The following HTR2A variants were observed in gnomAD, a reference collection of about 807,000 sequenced individuals.
HTR2A encodes the protein 5-hydroxytryptamine receptor 2A.
A neutral mutation model predicts 31.0 loss-of-function variants in HTR2A; 14 were observed. The ratio of observed to expected loss-of-function variants is 0.45; its 90% CI spans 0.30 to 0.71. The LOEUF is 0.71. HTR2A is among the 30% of genes least tolerant of loss of function. The probability of loss-of-function intolerance (pLI) is 0.09; values close to 1 mark genes in which losing one functional copy is unlikely to be tolerated. For missense variants in HTR2A, 442 were observed against 573.3 expected (o/e 0.77, Z 2.34); for synonymous variants, 209 against 225.2 (o/e 0.93, Z 0.64).
chr13:46,864,075 T>C (rs1285491191), intron 3 of HTR2A, among the ~76,000 whole-genome samples: 2 of 152,170 alleles, frequency 1.3e-5, no homozygotes, highest in Admixed American at 6.5e-5. Flanking sequence ...TACCATAGAA[T>C]ACTATGCAGT....
rs183410426 is a variant in HTR2A, at chr13:46,857,100, G to C, written c.614-21461C>G. On this transcript the variant is annotated intron_variant, in intron 3 of 3. Transcript: ENST00000542664. ...GTGGATCATGAGGTCAAGAGATAGA[G>C]ACCATCCTGGCCAACTTGGTGAAAT... is the stretch of plus-strand genomic sequence containing the variant. Among the ~76,000 whole-genome samples the C allele has an allele frequency of 4.0e-3, 605 of 152,092 alleles. 4 individuals carry two copies. The highest frequency in any genetic ancestry group is 0.013 in the African/African-American group (536 of 41,478).
chr13:46,841,104 A>G (rs1460317603), intron 3 of HTR2A, among the ~76,000 whole-genome samples: 1 of 152,096 alleles, frequency 6.6e-6, no homozygotes, highest in East Asian at 1.9e-4. Flanking sequence ...TGTAAGATGC[A>G]CCTGCTTCCC....
chr13:46,874,977 G>C (rs1287869242), intron 3 of HTR2A, among the ~76,000 whole-genome samples: 2 of 152,154 alleles, frequency 1.3e-5, no homozygotes, highest in African/African-American at 4.8e-5. Context: ...TCTCTCAAAT[G>C]AAACAACTTT....
chr13:46,845,437 C>T (rs1488212210), intron 3 of HTR2A, among the ~76,000 whole-genome samples: 2 of 152,070 alleles, frequency 1.3e-5, no homozygotes, highest in African/African-American at 2.4e-5. Context: ...GGAGCAAGTG[C>T]ACACATTGCT....
At chr13:46,878,676 T>C (rs538699523) in intron 3 of HTR2A, among the ~76,000 whole-genome samples, 93 of 151,126 alleles carry the variant, frequency 6.2e-4, no homozygotes, top group African/African-American at 2.1e-3. Context: ...ATCTAGGGAG[T>C]GGGAAGGAGC....
intron 3 of HTR2A, among the ~76,000 whole-genome samples, chr13:46,863,630 G>GAAAAAAAAA (rs59693757): frequency 2.0e-4 from 12 of 59,254 alleles, no homozygotes; most frequent in East Asian, 5.7e-4. Flanking sequence ...CCCTCAAAAT[G>GAAAAAAAAA]AAAAAAAAAA....
Position 46,835,334 on chromosome 13 carries a change from T to A in HTR2A, c.919A>T (p.Thr307Ser). ...ATGGACTGCATAGTCCTCCTGCCTGTGTAGGACCCTGGCTCCCTATGGATC... is the reference window on the plus strand; with the variant it reads ...ATGGACTGCATAGTCCTCCTGCCTGAGTAGGACCCTGGCTCCCTATGGATC... ...RSIHREPGSYTGRRTMQSISN... is the reference protein window; with the variant it reads ...RSIHREPGSYSGRRTMQSISN... The change falls in exon 4 of 4, where the codon ACA becomes TCA. Residue 307 changes from threonine to serine, a missense_variant. Physicochemically the swap from Thr to Ser is moderately conservative, Grantham distance 58. This residue lies in a region of HTR2A where 174 missense variants were observed against 195.1 expected (regional missense o/e 0.89). Transcript: ENST00000542664. 1 of 1,614,114 alleles carries A rather than the reference T, an allele frequency of 6.2e-7. No homozygotes were observed. The highest frequency in any genetic ancestry group is 1.1e-5 in the South Asian group (1 of 91,080).
At chr13:46,835,980 G>A (rs941344750) in intron 3 of HTR2A, among the ~76,000 whole-genome samples, 2 of 151,716 alleles carry the variant, frequency 1.3e-5, no homozygotes, top group South Asian at 2.1e-4. Flanking sequence ...GTCCAATAAC[G>A]TCACCATCTA....
intron 3 of HTR2A, among the ~76,000 whole-genome samples, chr13:46,888,328 A>C (rs539194116): frequency 6.6e-6 from 1 of 152,336 alleles, no homozygotes; most frequent in South Asian, 2.1e-4. Flanking sequence ...TAAAGTTGCT[A>C]AAATAGAGAC....
At chr13:46,859,703 G>A (rs771426605) in intron 3 of HTR2A, among the ~76,000 whole-genome samples, 1 of 152,030 alleles carries the variant, frequency 6.6e-6, no homozygotes, top group Non-Finnish European at 1.5e-5. Flanking sequence ...GTTTCCCGAG[G>A]CCTCCCCAGA....
intron 3 of HTR2A, among the ~76,000 whole-genome samples, chr13:46,855,708 G>C (rs1417783195): frequency 6.6e-6 from 1 of 152,152 alleles, no homozygotes; most frequent in Non-Finnish European, 1.5e-5. Flanking sequence ...ACCGAGAAAA[G>C]TAAGTACTGC....
At chr13:46,848,996 A>G (rs1299819075) in intron 3 of HTR2A, among the ~76,000 whole-genome samples, 1 of 152,198 alleles carries the variant, frequency 6.6e-6, no homozygotes, top group Admixed American at 6.5e-5. Context: ...ATAATAAGTA[A>G]TGAACAACTG....
In HTR2A at chr13:46,834,018, T is replaced by C. The variant is rs557694225; in HGVS notation, c.*819A>G. 6.6e-6 allele frequency: 1 copy of C among 152,424 alleles called. No individual in the cohort carries two copies. The highest frequency in any genetic ancestry group is 1.9e-4 in the East Asian group (1 of 5,188). The allele number at this position is 152,424 out of a possible 1,614,324, so 9.4% of individuals were successfully genotyped here. On this transcript the variant is annotated 3_prime_UTR_variant, in exon 4 of 4. Transcript: ENST00000542664. Reference sequence around the variant, plus strand: ...AGCAAGTTACCAAATACCTCGATAGTGCTGTTTTAGAGAAGCAATTGCTAG... The same window carrying C: ...AGCAAGTTACCAAATACCTCGATAGCGCTGTTTTAGAGAAGCAATTGCTAG...
chr13:46,882,057 C>T (rs7322422), intron 3 of HTR2A, among the ~76,000 whole-genome samples: 116,589 of 151,518 alleles, frequency 0.77, 44,985 homozygotes, highest in African/African-American at 0.81. Context: ...TTTGAGGTTG[C>T]TCATAAAAAA....
At chr13:46,855,775 A>G (rs1372776021) in intron 3 of HTR2A, among the ~76,000 whole-genome samples, 2 of 152,168 alleles carry the variant, frequency 1.3e-5, no homozygotes, top group East Asian at 3.9e-4. Flanking sequence ...AAAATATAAC[A>G]TGTCCACTAG....
At chr13:46,881,076 T>C (rs918124211) in intron 3 of HTR2A, among the ~76,000 whole-genome samples, 1 of 152,228 alleles carries the variant, frequency 6.6e-6, no homozygotes, top group Admixed American at 6.5e-5. Context: ...CATGGGTTAA[T>C]GTCCCGAAGG....
intron 3 of HTR2A, among the ~76,000 whole-genome samples, chr13:46,857,102 C>T (rs977843335): frequency 6.6e-6 from 1 of 151,952 alleles, no homozygotes; most frequent in African/African-American, 2.4e-5. Flanking sequence ...GAGATAGAGA[C>T]CATCCTGGCC....
intron 3 of HTR2A, among the ~76,000 whole-genome samples, chr13:46,858,889 C>A (rs530278868): frequency 1.3e-5 from 2 of 152,264 alleles, no homozygotes; most frequent in South Asian, 4.2e-4. Context: ...CTGAGAAAAG[C>A]AGGGCAGATG....
intron 3 of HTR2A, among the ~76,000 whole-genome samples, chr13:46,841,491 GAGTTTTAAA>G (rs1229325607): frequency 6.6e-6 from 1 of 151,546 alleles, no homozygotes. Context: ...ATCACTGAGG[GAGTTTTAAA>G]AGTTACATTG....
Sources: allele counts gnomAD v4.1 joint callset (sites outside exome capture counted in the v4.1 genomes callset), GRCh38; gene constraint gnomAD v4.1.1; regional missense constraint gnomAD v4.1.1; transcripts MANE v1.5; gene names NCBI Gene and HGNC (gene_info 2026-07-23, HGNC 2026-07-21).